The following MED13 variants were observed in gnomAD, a reference collection of about 807,000 sequenced individuals.
The protein encoded by MED13 is mediator complex subunit 13.
Under a neutral mutation model 225.2 loss-of-function variants are expected in MED13, and 23 were observed. The ratio of observed to expected loss-of-function variants is 0.10; its 90% CI spans 0.07 to 0.14. The LOEUF is 0.14. Among genes scored for constraint, MED13 ranks in the 10% least tolerant of loss-of-function variants. The pLI is 1.00. For missense variants in MED13, 2,197 were observed against 2,594.5 expected (o/e 0.85, Z 3.33); for synonymous variants, 942 against 889.2 (o/e 1.06, Z -1.06).
In MED13 at chr17:61,982,507, G is replaced by C. The variant is rs1476770233; in HGVS notation, c.3496C>G (p.Leu1166Val). ...ACATGTTCAGCAGAGGTAGCCCTGA[G>C]AGCTTCAAAACGTTTTTCTGCTTCT... ...GKEAEKRFEA[L>V]RATSAEHVNG... Residue 1166 changes from leucine to valine, a missense_variant, in exon 16 of 30, where the codon CTC becomes GTC. Around this residue, in one of 12 missense-constraint regions of MED13, gnomAD observed 203 missense variants for 209.7 expected, o/e 0.97. Transcript: ENST00000397786. The C allele has an allele frequency of 1.2e-6, 2 of 1,614,044 alleles. No individual in the cohort carries two copies. Among genetic ancestry groups the C allele is most frequent in the African/African-American group, 2.7e-5 (2 of 74,924 alleles).
At chr17:61,986,632 C>G (rs1201483213) in intron 12 of MED13, among the ~76,000 whole-genome samples, 1 of 152,130 alleles carries the variant, frequency 6.6e-6, no homozygotes, top group East Asian at 1.9e-4. Context: ...ACTTTAATGT[C>G]AATTATGTAT....
Position 62,010,637 on chromosome 17 carries a change from T to A in MED13, c.1880A>T (p.Glu627Val). 1 of 1,499,368 alleles carries A rather than the reference T, an allele frequency of 6.7e-7. No homozygotes were observed. Among genetic ancestry groups the A allele is most frequent in the Non-Finnish European group, 8.9e-7 (1 of 1,124,216 alleles). 92.9% of individuals were successfully genotyped at this position (1,499,368 alleles called of 1,614,324 possible). A position where few individuals can be genotyped will look rare whatever the true frequency, so the allele number is the denominator to read the frequency against. The change falls in exon 9 of 30, where the codon GAG (glutamate) becomes GTG (valine). Residue 627 changes from glutamate (E) to valine (V), a missense_variant. Coordinates refer to ENST00000397786, the MANE Select transcript of MED13 (RefSeq NM_005121.3). Reference sequence around the variant, plus strand: ...ACTTGGAAGTTGAGGTGGTAAAAACTCTACATCTTTTTTCTTTGGGAACTT... The same window carrying A: ...ACTTGGAAGTTGAGGTGGTAAAAACACTACATCTTTTTTCTTTGGGAACTT... ...YYKFPKKKDVEFLPPQLPSDK... is the reference protein window; with the variant it reads ...YYKFPKKKDVVFLPPQLPSDK...
intron 8 of MED13, among the ~76,000 whole-genome samples, chr17:62,025,079 T>C (rs888615876): frequency 3.3e-5 from 5 of 152,186 alleles, no homozygotes; most frequent in Admixed American, 6.5e-5. Context: ...CAAATGGTAG[T>C]TTGGGAAAAG....
Position 61,993,218 on chromosome 17 carries a change from T to TG in MED13, c.2182-598_2182-597insC, listed in dbSNP as rs1254336502. Among the ~76,000 whole-genome samples, 120 of 146,728 alleles carry TG rather than the reference T, an allele frequency of 8.2e-4. 1 individual carries two copies. The highest frequency in any genetic ancestry group is 3.0e-3 in the African/African-American group (116 of 39,040). Reference sequence around the variant, plus strand: ...TTTCTTTCTTTTTTTTTTTTTTTTTTTGAGACAGAGTCTCACTCTGTCACC... The same window carrying TG: ...TTTCTTTCTTTTTTTTTTTTTTTTTTGTGAGACAGAGTCTCACTCTGTCACC... On this transcript the variant is annotated intron_variant, in intron 10 of 29. Coordinates refer to ENST00000397786, the MANE Select transcript of MED13 (RefSeq NM_005121.3).
chr17:62,012,015 G>C (rs550931240), intron 8 of MED13, among the ~76,000 whole-genome samples: 1 of 152,022 alleles, frequency 6.6e-6, no homozygotes, highest in African/African-American at 2.4e-5. Flanking sequence ...TGAGGAGTTC[G>C]AGACCAGCTT....
intron 10 of MED13, among the ~76,000 whole-genome samples, chr17:61,994,749 A>G (rs1197352566): frequency 6.6e-6 from 1 of 152,176 alleles, no homozygotes; most frequent in Non-Finnish European, 1.5e-5. Flanking sequence ...TCGCTCTGTC[A>G]CCCAAGCTGG....
chr17:61,988,552 C>G (rs746349749), intron 11 of MED13, among the ~76,000 whole-genome samples: 1 of 152,132 alleles, frequency 6.6e-6, no homozygotes, highest in Non-Finnish European at 1.5e-5. Context: ...ATCTAAGATA[C>G]TTACTAAAAA....
chr17:62,037,955 CAAAAAAAAAAAAAA>C (rs397857634), intron 3 of MED13, among the ~76,000 whole-genome samples: 26 of 64,752 alleles, frequency 4.0e-4, no homozygotes, highest in Middle Eastern at 0.024. Context: ...GACTTCATCT[CAAAAAAAAAAAAAA>C]AAAAAAAAAA....
At chr17:62,009,186 A>G (rs1422588746) in intron 9 of MED13, among the ~76,000 whole-genome samples, 2 of 152,204 alleles carry the variant, frequency 1.3e-5, no homozygotes, top group Non-Finnish European at 2.9e-5. Flanking sequence ...AGAAAAATTT[A>G]TATGTAAAAG....
At chr17:62,048,064 GTA>G (rs1357948287) in intron 3 of MED13, among the ~76,000 whole-genome samples, 207 of 112,876 alleles carry the variant, frequency 1.8e-3, no homozygotes, top group African/African-American at 8.5e-3. Context: ...ATATATATAT[GTA>G]TATATGTATA....
At chr17:62,059,706 A>G (rs1261830099) in intron 2 of MED13, among the ~76,000 whole-genome samples, 1 of 152,190 alleles carries the variant, frequency 6.6e-6, no homozygotes, top group Non-Finnish European at 1.5e-5. Context: ...AGGCAGACTA[A>G]TTACCCCAAG....
chr17:61,959,013 T>C (rs2079974090), intron 23 of MED13, among the ~76,000 whole-genome samples: 1 of 152,062 alleles, frequency 6.6e-6, no homozygotes, highest in Non-Finnish European at 1.5e-5. Flanking sequence ...TCTTTTTTTT[T>C]TTTCTTTAAG....
chr17:61,957,612 T>C (rs1329356637), intron 23 of MED13, among the ~76,000 whole-genome samples: 4 of 152,026 alleles, frequency 2.6e-5, no homozygotes, highest in African/African-American at 9.7e-5. Context: ...CCTCACAAAG[T>C]GCTAGGATTA....
At position 62,033,840 on chromosome 17, in the gene MED13, T is replaced by C. The variant is rs1032013032; in HGVS notation, c.761A>G (p.Gln254Arg). Residue 254 changes from glutamine to arginine, a missense_variant, in exon 5 of 30, where the codon CAG becomes CGG. By Grantham distance (43) the Gln-to-Arg change is conservative. This residue lies in a region of MED13 where 884 missense variants were observed against 918.5 expected (regional missense o/e 0.96). Coordinates refer to ENST00000397786, the MANE Select transcript of MED13 (RefSeq NM_005121.3). ...CCLKEMSEEK[Q>R]EDMDWEDDSL... is the part of the protein sequence containing the mutation. ...ATCATCTTCCCAATCCATATCTTCC[T>C]GTTTTTCTTCAGACATCTCCTTCAA... 14 of 1,614,028 alleles carry C rather than the reference T, an allele frequency of 8.7e-6. No homozygotes were observed. In the East Asian group the frequency reaches 2.5e-4, roughly 28 times the overall value.
intron 2 of MED13, among the ~76,000 whole-genome samples, chr17:62,053,559 G>A (rs769773319): frequency 2.6e-4 from 40 of 151,996 alleles, no homozygotes; most frequent in African/African-American, 8.5e-4. Flanking sequence ...CCAACAAATC[G>A]TGCTACAAAT....
Position 61,987,889 on chromosome 17 carries a change from C to T in MED13, c.2264-761G>A, listed in dbSNP as rs73334687. Among the ~76,000 whole-genome samples the T allele has an allele frequency of 3.9e-3, 592 of 151,990 alleles. 4 individuals carry two copies. Among genetic ancestry groups the T allele is most frequent in the African/African-American group, 0.013 (554 of 41,428 alleles). Reference sequence around the variant, plus strand: ...ACCCCAGTAGCTGGGACTACAGGCACGTGACCCTATGCCCAGTTAATTTTT... The same window carrying T: ...ACCCCAGTAGCTGGGACTACAGGCATGTGACCCTATGCCCAGTTAATTTTT... On this transcript the variant is annotated intron_variant, in intron 11 of 29. Coordinates refer to ENST00000397786, the MANE Select transcript of MED13 (RefSeq NM_005121.3).
In MED13 at chr17:62,065,129, C is replaced by G. The variant is rs745940615; in HGVS notation, c.66+11G>C. 5.1e-6 allele frequency: 8 copies of G among 1,554,204 alleles called. No individual in the cohort carries two copies. Among genetic ancestry groups the G allele is most frequent in the South Asian group, 3.6e-5 (3 of 83,892 alleles). On this transcript the variant is annotated intron_variant, in intron 1 of 29. Coordinates refer to ENST00000397786, the MANE Select transcript of MED13 (RefSeq NM_005121.3). ...CCCCCTCCCTCGGCGCCCGCCGGCC[C>G]CGGCACTCACCAGGCAGAAGAGGTT...
intron 3 of MED13, among the ~76,000 whole-genome samples, chr17:62,047,763 A>G (rs1170731274): frequency 6.7e-6 from 1 of 149,944 alleles, no homozygotes; most frequent in East Asian, 2.0e-4. Context: ...ATTAAAAAAG[A>G]GAGAGAGAGA....
At chr17:62,041,921 G>A (rs564885804) in intron 3 of MED13, among the ~76,000 whole-genome samples, 1 of 152,002 alleles carries the variant, frequency 6.6e-6, no homozygotes, top group African/African-American at 2.4e-5. Context: ...TTTTTATTCC[G>A]TGAATTCAAA....
Sources: gnomAD v4.1 joint callset for allele counts (sites outside exome capture counted in the v4.1 genomes callset) on GRCh38, gnomAD v4.1.1 for gene constraint, gnomAD v4.1.1 regional missense constraint, MANE v1.5 for transcripts, NCBI Gene and HGNC (gene_info 2026-07-23, HGNC 2026-07-21) for gene names.